Variants in PTPRA observed in about 807,000 individuals in gnomAD.
PTPRA encodes receptor-type tyrosine-protein phosphatase alpha.
PTPRA carries 25 observed loss-of-function variants against 104.8 expected under a neutral mutation model. The observed-to-expected ratio is 0.24, with a 90% CI of 0.17 to 0.33. PTPRA has a LOEUF of 0.33. PTPRA is among the 10% of genes least tolerant of loss of function. PTPRA has a pLI of 1.00. For synonymous variants in PTPRA, 323 were observed against 368.9 expected (o/e 0.88, Z 1.43); for missense variants, 765 against 1,015.3 (o/e 0.75, Z 3.35).
At chr20:3,014,225 A>G (rs1300079068) in intron 11 of PTPRA, among the ~76,000 whole-genome samples, 6 of 152,232 alleles carry the variant, frequency 3.9e-5, no homozygotes, top group Middle Eastern at 3.2e-3. Context: ...GCTCTTCTCA[A>G]TGAAAACTTT....
chr20:2,941,230 CATGT>C (rs2060908236), intron 2 of PTPRA, among the ~76,000 whole-genome samples: 2 of 152,074 alleles, frequency 1.3e-5, no homozygotes, highest in African/African-American at 4.8e-5. Flanking sequence ...GGGGTTTCAC[CATGT>C]TGGCCAGGCT....
chr20:2,925,671 A>C (rs1422712939), intron 2 of PTPRA, among the ~76,000 whole-genome samples: 2 of 152,250 alleles, frequency 1.3e-5, no homozygotes, highest in East Asian at 3.9e-4. Context: ...AAAATTAGCC[A>C]GGCATGGTGC....
chr20:3,027,285 G>A, intron 19 of PTPRA, 88 bp downstream of exon 19: 1 of 1,336,738 alleles, frequency 7.5e-7, no homozygotes, highest in South Asian at 1.2e-5. Context: ...ACCTGCTGGG[G>A]AGGATCATGT....
intron 20 of PTPRA, among the ~76,000 whole-genome samples, chr20:3,031,133 T>A (rs1355759152): frequency 6.6e-6 from 1 of 152,140 alleles, no homozygotes; most frequent in African/African-American, 2.4e-5. Context: ...CTAGGCCTCA[T>A]CCTGCTTCTC....
intron 9 of PTPRA, among the ~76,000 whole-genome samples, chr20:2,994,561 C>T (rs1269653588): frequency 6.6e-6 from 1 of 152,202 alleles, no homozygotes; most frequent in Non-Finnish European, 1.5e-5. Context: ...GCTTTCCTCA[C>T]CAGTGTATAG....
intron 9 of PTPRA, among the ~76,000 whole-genome samples, chr20:3,004,078 C>T (rs537046815): frequency 3.3e-5 from 5 of 152,272 alleles, no homozygotes; most frequent in African/African-American, 7.2e-5. Context: ...AGTACAATGG[C>T]GTGATCTTGG....
chr20:3,006,023 GT>G (rs201651338), intron 10 of PTPRA, among the ~76,000 whole-genome samples: 4 of 148,310 alleles, frequency 2.7e-5, no homozygotes, highest in East Asian at 2.0e-4. Context: ...CTGTGAAAAT[GT>G]TTTTTTTTTA....
intron 20 of PTPRA, among the ~76,000 whole-genome samples, chr20:3,030,319 G>A (rs3787479): frequency 0.22 from 33,150 of 152,028 alleles, 5,340 homozygotes; most frequent in African/African-American, 0.44. Flanking sequence ...CTCTCCCTCT[G>A]CCTTCCACTG....
intron 1 of PTPRA, among the ~76,000 whole-genome samples, chr20:2,879,426 G>T (rs1002638395): frequency 3.3e-5 from 5 of 152,190 alleles, no homozygotes; most frequent in African/African-American, 1.2e-4. Flanking sequence ...AGGCCTAATT[G>T]AGAGCTTGGT....
At chr20:2,978,399 T>G (rs2062532205) in intron 6 of PTPRA, among the ~76,000 whole-genome samples, 1 of 152,158 alleles carries the variant, frequency 6.6e-6, no homozygotes, top group Non-Finnish European at 1.5e-5. Context: ...ACCTTGCCTT[T>G]GAGAGCTGAT....
chr20:3,010,169 T>A (rs1345995734), intron 11 of PTPRA, among the ~76,000 whole-genome samples: 1 of 151,376 alleles, frequency 6.6e-6, no homozygotes, highest in African/African-American at 2.4e-5. Flanking sequence ...ATTTGTCTCA[T>A]ATACTGTGAA....
intron 3 of PTPRA, among the ~76,000 whole-genome samples, chr20:2,954,795 C>G (rs1424375943): frequency 6.6e-6 from 1 of 152,120 alleles, no homozygotes; most frequent in African/African-American, 2.4e-5. Flanking sequence ...TGAAGCTTTG[C>G]CCTCTGTTTC....
intron 11 of PTPRA, among the ~76,000 whole-genome samples, chr20:3,014,995 C>T (rs1332026947): frequency 1.3e-5 from 2 of 152,238 alleles, no homozygotes; most frequent in African/African-American, 4.8e-5. Context: ...CCCAGGCTCC[C>T]TTGCTCTTGT....
chr20:2,973,171 A>T (rs1170160655), intron 5 of PTPRA, among the ~76,000 whole-genome samples: 1 of 149,676 alleles, frequency 6.7e-6, no homozygotes, highest in Non-Finnish European at 1.5e-5. Flanking sequence ...CATTTATTTC[A>T]TAGGTTTATT....
At chr20:2,981,529 G>C (rs971498245) in intron 6 of PTPRA, among the ~76,000 whole-genome samples, 1 of 152,172 alleles carries the variant, frequency 6.6e-6, no homozygotes, top group Non-Finnish European at 1.5e-5. Context: ...CCACATAACA[G>C]AGAATTGTAT....
intron 2 of PTPRA, among the ~76,000 whole-genome samples, chr20:2,923,519 C>G (rs2060174609): frequency 6.6e-6 from 1 of 151,616 alleles, no homozygotes; most frequent in African/African-American, 2.4e-5. Flanking sequence ...CAAAGTCAGG[C>G]TGGGCATGGT....
At chr20:2,955,015 A>G (rs896564887) in intron 3 of PTPRA, among the ~76,000 whole-genome samples, 3 of 152,188 alleles carry the variant, frequency 2.0e-5, no homozygotes, top group African/African-American at 7.2e-5. Context: ...TACTGGTTCT[A>G]TATTTTACTC....
At chr20:2,898,830 C>T (rs527316644) in intron 1 of PTPRA, among the ~76,000 whole-genome samples, 2 of 152,222 alleles carry the variant, frequency 1.3e-5, no homozygotes, top group East Asian at 3.9e-4. Flanking sequence ...TGCACTCCAG[C>T]CTGGATGACA....
rs186360178 is a variant in PTPRA, at chr20:3,029,496, A to G, written c.1920+1655A>G. Among the ~76,000 whole-genome samples the G allele has an allele frequency of 1.3e-3, 181 of 144,618 alleles. 2 individuals are homozygous for G. Among genetic ancestry groups the G allele is most frequent in the African/African-American group, 4.2e-3 (164 of 38,984 alleles). 94.9% of individuals were successfully genotyped at this position (144,618 alleles called of 152,430 possible). On this transcript the variant is annotated intron_variant, in intron 20 of 23. Transcript: ENST00000399903. Reference sequence around the variant, plus strand: ...CATTAGCTATTCTTCCTAGACTTGTATCATGTACCTAATCAACAGACATAC... The same window carrying G: ...CATTAGCTATTCTTCCTAGACTTGTGTCATGTACCTAATCAACAGACATAC...
Sources: allele counts gnomAD v4.1 joint callset (sites outside exome capture counted in the v4.1 genomes callset), GRCh38; gene constraint gnomAD v4.1.1; transcripts MANE v1.5; gene names NCBI Gene and HGNC (gene_info 2026-07-23, HGNC 2026-07-21).